Variants in MTUS1 observed in about 807,000 individuals in gnomAD.
The protein encoded by MTUS1 is microtubule-associated tumor suppressor 1.
In MTUS1, 109 loss-of-function variants were observed where a neutral mutation model predicts 120.8. The ratio of observed to expected loss-of-function variants is 0.90; its 90% CI spans 0.77 to 1.06. The LOEUF (loss-of-function observed/expected upper bound fraction) is 1.06, where lower values mean the gene tolerates loss of function less well. Among genes scored for constraint, MTUS1 ranks in the 50% least tolerant of loss-of-function variants. The probability of loss-of-function intolerance (pLI) is 0.00; values close to 1 mark genes in which losing one functional copy is unlikely to be tolerated. For synonymous variants in MTUS1, 737 were observed against 550.5 expected (o/e 1.34, Z -4.74); for missense variants, 2,210 against 1,486.3 (o/e 1.49, Z -8.01).
chr8:17,799,636 A>G (rs759619874), intron 1 of MTUS1, among the ~76,000 whole-genome samples: 20 of 152,116 alleles, frequency 1.3e-4, no homozygotes, highest in Non-Finnish European at 2.6e-4. Context: ...AAAATATAAG[A>G]TATTATCTAG....
At chr8:17,735,013 G>C (rs2046830662) in intron 3 of MTUS1, among the ~76,000 whole-genome samples, 2 of 152,072 alleles carry the variant, frequency 1.3e-5, no homozygotes, top group South Asian at 4.1e-4. Flanking sequence ...TTGGGCTCAA[G>C]AGATCCTCCT....
At chr8:17,766,601 T>C (rs752702106) in intron 1 of MTUS1, among the ~76,000 whole-genome samples, 1 of 152,246 alleles carries the variant, frequency 6.6e-6, no homozygotes, top group South Asian at 2.1e-4. Context: ...AGTTGGCTTA[T>C]ATGAAATTTG....
intron 7 of MTUS1, among the ~76,000 whole-genome samples, chr8:17,683,895 A>T (rs112166689): frequency 2.6e-4 from 40 of 152,348 alleles, no homozygotes; most frequent in African/African-American, 9.1e-4. Context: ...GAATCCCCAG[A>T]TATGATTCAG....
At chr8:17,719,759 A>G (rs145269485) in intron 4 of MTUS1, among the ~76,000 whole-genome samples, 167 of 152,310 alleles carry the variant, frequency 1.1e-3, no homozygotes, top group Non-Finnish European at 1.9e-3. Context: ...AGGTGAGACA[A>G]TATTCACTTC....
intron 7 of MTUS1, chr8:17,681,806 A>G (rs2410497): frequency 0.48 from 74,229 of 154,490 alleles, 18,187 homozygotes; most frequent in Middle Eastern, 0.59. Context: ...ACAAAATAAC[A>G]TGAGTTACGT....
At chr8:17,742,227 G>T (rs2047366802) in intron 3 of MTUS1, among the ~76,000 whole-genome samples, 1 of 150,438 alleles carries the variant, frequency 6.6e-6, no homozygotes, top group Non-Finnish European at 1.5e-5. Context: ...AATAGCTGAG[G>T]AGCCCCTACA....
In MTUS1 at chr8:17,755,927, T is replaced by A; in HGVS notation, c.-120A>T. 1 of 1,451,676 alleles carries A rather than the reference T, an allele frequency of 6.9e-7. No individual in the cohort carries two copies. The highest frequency in any genetic ancestry group is 1.5e-5 in the South Asian group (1 of 67,656). The allele number at this position is 1,451,676 out of a possible 1,614,324, so 89.9% of individuals were successfully genotyped here. On this transcript the variant is annotated 5_prime_UTR_variant, in exon 2 of 15. Transcript: ENST00000693296. The stretch of plus-strand genomic sequence containing the variant: ...CAGCACAGTTGAAAGGTTTTCAGTC[T>A]AAGATGCTCTGAAGATTAAATGATT...
At chr8:17,793,474 T>C (rs980664476) in intron 1 of MTUS1, among the ~76,000 whole-genome samples, 2 of 152,168 alleles carry the variant, frequency 1.3e-5, no homozygotes, top group African/African-American at 4.8e-5. Context: ...CCAGTAGCTG[T>C]GACTATCTGA....
At chr8:17,788,846 G>T (rs2051526385) in intron 1 of MTUS1, among the ~76,000 whole-genome samples, 1 of 152,110 alleles carries the variant, frequency 6.6e-6, no homozygotes, top group African/African-American at 2.4e-5. Context: ...AAAAGAACAA[G>T]AGGCAAAACA....
At chr8:17,672,159 A>C (rs145825048) in intron 8 of MTUS1, among the ~76,000 whole-genome samples, 2 of 152,302 alleles carry the variant, frequency 1.3e-5, no homozygotes, top group African/African-American at 4.8e-5. Context: ...TATTTAGTCT[A>C]ATGATTATTC....
At chr8:17,648,917 G>C (rs1230618999) in intron 13 of MTUS1, among the ~76,000 whole-genome samples, 1 of 152,244 alleles carries the variant, frequency 6.6e-6, no homozygotes, top group Non-Finnish European at 1.5e-5. Context: ...TGCCAACTTG[G>C]TTAGAGTCCT....
At chr8:17,743,475 T>G (rs1038706324) in intron 3 of MTUS1, 129 bp downstream of exon 3, 20 of 829,534 alleles carry the variant, frequency 2.4e-5, no homozygotes, top group Non-Finnish European at 3.0e-5. Context: ...TTTTTCTACC[T>G]CCTGTGCTCA....
intron 6 of MTUS1, among the ~76,000 whole-genome samples, chr8:17,702,146 G>C (rs1035975651): frequency 6.6e-6 from 1 of 152,124 alleles, no homozygotes; most frequent in African/African-American, 2.4e-5. Flanking sequence ...CTGAAAAACA[G>C]AATTCCCGGG....
chr8:17,796,043 G>A (rs1036770475), intron 1 of MTUS1, among the ~76,000 whole-genome samples: 2 of 151,896 alleles, frequency 1.3e-5, no homozygotes, highest in African/African-American at 2.4e-5. Context: ...TCCGCCTCCT[G>A]GATTCAAGGA....
chr8:17,715,951 C>T (rs1359253990), intron 4 of MTUS1, 50 bp from the exon 5 acceptor site: 8 of 1,545,058 alleles, frequency 5.2e-6, no homozygotes, highest in East Asian at 4.5e-5. Flanking sequence ...AACACAGTTT[C>T]GACCTTCCAC....
chr8:17,706,979 G>C (rs1563239055), intron 6 of MTUS1, among the ~76,000 whole-genome samples: 1 of 152,060 alleles, frequency 6.6e-6, no homozygotes, highest in African/African-American at 2.4e-5. Flanking sequence ...TATTTTACTA[G>C]AACTAAGGAA....
intron 6 of MTUS1, among the ~76,000 whole-genome samples, chr8:17,694,260 T>C (rs1817523923): frequency 6.6e-6 from 1 of 152,182 alleles, no homozygotes; most frequent in South Asian, 2.1e-4. Flanking sequence ...AACATGATAA[T>C]GCCTGGACTA....
chr8:17,676,783 G>T (rs11203891), intron 7 of MTUS1, among the ~76,000 whole-genome samples: 4 of 151,958 alleles, frequency 2.6e-5, no homozygotes, highest in African/African-American at 4.8e-5. Context: ...CTTGTTCTTC[G>T]AAGCCCATAT....
rs375829051 is a variant in MTUS1 at position 17,654,586 on chromosome 8, C to G, written c.3189G>C (p.Lys1063Asn). The stretch of plus-strand genomic sequence containing the variant: ...CTGAAAGGGAGGCTTCATAGGCCTT[C>G]TTTAGCAATTCAAGTTTCTCTGAGT... Reference protein sequence around the residue: ...ASHSEKLELLKKAYEASLSEI... With the variant: ...ASHSEKLELLNKAYEASLSEI... The change falls in exon 10 of 15, where the codon AAG becomes AAC. Residue 1063 changes from lysine to asparagine, a missense_variant. Coordinates refer to ENST00000693296, the MANE Select transcript of MTUS1 (RefSeq NM_001363059.2). 2 of 1,613,706 alleles carry G rather than the reference C, an allele frequency of 1.2e-6. No individual in the cohort carries two copies. The highest frequency in any genetic ancestry group is 1.7e-6 in the Non-Finnish European group (2 of 1,179,564).
Sources: gnomAD v4.1 joint callset for allele counts (sites outside exome capture counted in the v4.1 genomes callset) on GRCh38, gnomAD v4.1.1 for gene constraint, MANE v1.5 for transcripts, NCBI Gene and HGNC (gene_info 2026-07-23, HGNC 2026-07-21) for gene names.